BICRA: variants seen among roughly 807,000 people sequenced by gnomAD.
BICRA encodes BRD4 interacting chromatin remodeling complex associated protein, also known as BRD4-interacting chromatin-remodeling complex-associated protein.
BICRA carries 31 observed loss-of-function variants against 96.9 expected under a neutral mutation model. That is an observed-to-expected ratio of 0.32 (90% CI 0.24 to 0.43). The LOEUF (loss-of-function observed/expected upper bound fraction) is 0.43. Ranked by LOEUF, BICRA falls within the 20% of genes least tolerant of loss-of-function variation. BICRA has a pLI of 1.00. For synonymous variants in BICRA, 1,350 were observed against 1,071.8 expected (o/e 1.26, Z -5.07); for missense variants, 2,283 against 2,190.3 (o/e 1.04, Z -0.84).
chr19:47,701,601 C>T lies in BICRA; in HGVS notation c.3869C>T (p.Pro1290Leu), dbSNP rs908674215. Residue 1290 changes from proline to leucine, a missense_variant, in exon 15 of 15, where the codon CCC (proline) becomes CTC (leucine). Coordinates refer to ENST00000594866, the MANE Select transcript of BICRA (RefSeq NM_001394372.1). This position sits in a 1 kb window ranked among gnomAD's most constrained non-coding sequence, Gnocchi z 5.4. The part of the protein sequence containing the change: ...SLDADEDGPM[P>L]SRNRPPIKTY... ...GACGCCGACGAGGACGGCCCCATGC[C>T]CTCCCGCAACCGCCCGCCCATCAAG... 1 of 1,559,582 alleles carries T rather than the reference C, an allele frequency of 6.4e-7. No individual in the cohort carries two copies. Among genetic ancestry groups the T allele is most frequent in the Non-Finnish European group, 8.7e-7 (1 of 1,152,802 alleles).
chr19:47,674,300 A>ACAC (rs3074087), intron 4 of BICRA, among the ~76,000 whole-genome samples: 37,589 of 151,992 alleles, frequency 0.25, 5,129 homozygotes, highest in East Asian at 0.4. Context: ...TGTAGTAGGT[A>ACAC]AAAGTCACCA....
intron 1 of BICRA, among the ~76,000 whole-genome samples, chr19:47,632,851 G>T (rs1158704794): frequency 6.6e-6 from 1 of 152,046 alleles, no homozygotes; most frequent in Non-Finnish European, 1.5e-5. Context: ...AGAAGAACTT[G>T]GGCTCGGATC....
At chr19:47,696,801 G>A (rs1973350201) in intron 11 of BICRA, among the ~76,000 whole-genome samples, 2 of 152,072 alleles carry the variant, frequency 1.3e-5, no homozygotes, top group Non-Finnish European at 2.9e-5. Context: ...TCTCCCACAC[G>A]GCTGGGCCGC....
At position 47,694,618 on chromosome 19, in the gene BICRA, C is replaced by T; in HGVS notation, c.2787C>T (p.Val929=). 6.4e-7 allele frequency: 1 copy of T among 1,564,190 alleles called. No homozygotes were observed. The highest frequency in any genetic ancestry group is 8.8e-7 in the Non-Finnish European group (1 of 1,136,998). The change falls in exon 8 of 15, where the codon GTC becomes GTT. Residue 929 remains valine, a synonymous_variant. Transcript: ENST00000594866. ...SPTPPPTLHL[V]PEPAAPPPPP... ...CTCCCCCTCCAACCCTCCACCTGGT[C>T]CCTGAGCCGGCAGCACCCCCCCCAC... is the stretch of plus-strand genomic sequence containing the variant.
At chr19:47,624,255 T>C (rs1972107679) in intron 1 of BICRA, among the ~76,000 whole-genome samples, 2 of 152,102 alleles carry the variant, frequency 1.3e-5, no homozygotes, top group South Asian at 4.1e-4. Context: ...TGCCTTTCAC[T>C]CACCAAGCTG....
chr19:47,688,292 G>C (rs1973188724), intron 7 of BICRA, among the ~76,000 whole-genome samples: 1 of 152,072 alleles, frequency 6.6e-6, no homozygotes, highest in South Asian at 2.1e-4. Flanking sequence ...AAGAGAAGGA[G>C]GGAATCTCTT....
At chr19:47,687,931 C>A (rs7246316) in intron 7 of BICRA, among the ~76,000 whole-genome samples, 7,483 of 152,052 alleles carry the variant, frequency 0.049, 557 homozygotes, top group African/African-American at 0.17. Context: ...AGCTTTCCAG[C>A]CATTTTGTGG....
intron 1 of BICRA, among the ~76,000 whole-genome samples, chr19:47,668,487 CTT>C (rs35737042): frequency 7.1e-4 from 89 of 125,920 alleles, no homozygotes; most frequent in Middle Eastern, 4.0e-3. Flanking sequence ...CTTTGTGAGT[CTT>C]TTTTTTTTTT....
At chr19:47,630,012 A>C (rs1308150812) in intron 1 of BICRA, among the ~76,000 whole-genome samples, 1 of 151,938 alleles carries the variant, frequency 6.6e-6, no homozygotes. Flanking sequence ...AAGTACTTTA[A>C]TATTGTGTAA....
chr19:47,660,217 C>T (rs902499698), intron 1 of BICRA, among the ~76,000 whole-genome samples: 1 of 152,000 alleles, frequency 6.6e-6, no homozygotes, highest in African/African-American at 2.4e-5. Context: ...CCTGGTCCAG[C>T]CCCCGGAGCT....
rs1370432539 is a variant in BICRA at position 47,680,981 on chromosome 19, A to G, written c.1811A>G (p.Gln604Arg). 2 of 1,464,508 alleles carry G rather than the reference A, an allele frequency of 1.4e-6. No individual in the cohort carries two copies. Among genetic ancestry groups the G allele is most frequent in the Non-Finnish European group, 1.8e-6 (2 of 1,118,046 alleles). The allele number at this position is 1,464,508 out of a possible 1,614,324, so 90.7% of individuals were successfully genotyped here. ...CTCAACACCCCCGACGGCCTGGTGC[A>G]GCCGGCCACCCCTGCCGCTGCCACC... ...AMLNTPDGLVQPATPAAATGE... is the reference protein window; with the variant it reads ...AMLNTPDGLVRPATPAAATGE... The change falls in exon 6 of 15, where the codon CAG becomes CGG. Residue 604 changes from glutamine (Q) to arginine (R), a missense_variant. Physicochemically the swap from Gln to Arg is conservative, Grantham distance 43. Coordinates refer to ENST00000594866, the MANE Select transcript of BICRA (RefSeq NM_001394372.1).
chr19:47,683,899 G>C (rs1973105483), intron 7 of BICRA, among the ~76,000 whole-genome samples: 1 of 152,086 alleles, frequency 6.6e-6, no homozygotes, highest in Admixed American at 6.5e-5. Context: ...TCTTATTCTA[G>C]AGCAGTGAAT....
chr19:47,694,203 T>TCC lies in BICRA; in HGVS notation c.2372_2373insCC (p.Pro792ArgfsTer51). On this transcript the variant is annotated frameshift_variant, in exon 8 of 15. Transcript: ENST00000594866. LOFTEE classifies it high-confidence loss of function. ...GCCCCTCTGGGGGACAGCCCCCACCTGCCCTCCCCACACCCCACCCGGCCC... is the reference window on the plus strand; with the variant it reads ...GCCCCTCTGGGGGACAGCCCCCACCTCCGCCCTCCCCACACCCCACCCGGCCC... 2.9e-6 allele frequency: 2 copies of TCC among 678,172 alleles called. No individual in the cohort carries two copies. The highest frequency in any genetic ancestry group is 3.6e-6 in the Non-Finnish European group (2 of 551,038). The allele number at this position is 678,172 out of a possible 1,614,324, so 42.0% of individuals were successfully genotyped here. A position where few individuals can be genotyped will look rare whatever the true frequency, so the allele number is the denominator to read the frequency against.
intron 10 of BICRA, among the ~76,000 whole-genome samples, chr19:47,696,060 C>T (rs562911863): frequency 1.1e-4 from 17 of 151,668 alleles, no homozygotes; most frequent in African/African-American, 3.6e-4. Flanking sequence ...GGAAGGGAGG[C>T]GGGGGGGCGA....
intron 7 of BICRA, among the ~76,000 whole-genome samples, chr19:47,690,129 G>A (rs1240945817): frequency 1.3e-5 from 2 of 152,006 alleles, no homozygotes; most frequent in African/African-American, 4.8e-5. Flanking sequence ...AGCCTCCCTA[G>A]TAGCTGGGAT....
At position 47,675,705 on chromosome 19, in the gene BICRA, C is replaced by A. The variant is rs564354765; in HGVS notation, c.85-146C>A. On this transcript the variant is annotated intron_variant, in intron 4 of 14. Transcript: ENST00000594866. The surrounding 1 kb of genome is among the most constrained non-coding windows in gnomAD (Gnocchi z 4.7). Reference sequence around the variant, plus strand: ...AGCCCCTGCCTTTGGGGCCTCTTTTCGGAGGCGAGAGTTTCCCATACCCCC... The same window carrying A: ...AGCCCCTGCCTTTGGGGCCTCTTTTAGGAGGCGAGAGTTTCCCATACCCCC... 1.5e-6 allele frequency: 1 copy of A among 681,074 alleles called. No individual in the cohort carries two copies. The highest frequency in any genetic ancestry group is 2.6e-6 in the Non-Finnish European group (1 of 381,482). The allele number at this position is 681,074 out of a possible 1,614,324, so 42.2% of individuals were successfully genotyped here. A position where few individuals can be genotyped will look rare whatever the true frequency, so the allele number is the denominator to read the frequency against.
rs10415650 is a variant in BICRA, at chr19:47,694,937, G to C, written c.2933G>C (p.Gly978Ala). Residue 978 changes from glycine (G) to alanine (A), a missense_variant, in exon 9 of 15, where the codon GGG becomes GCG. By Grantham distance (60) the Gly-to-Ala change is moderately conservative. Transcript: ENST00000594866. ...SGIILQNKAG[G>A]APAAPQTSTS... ...ATCATCCTCCAGAACAAGGCTGGGG[G>C]GGCCCCTGCCGCCCCGCAGACCTCC... 631 of 1,532,074 alleles carry C rather than the reference G, an allele frequency of 4.1e-4. 3 individuals are homozygous for C. In the African/African-American group the frequency reaches 8.0e-3, roughly 19 times the overall value. The allele number at this position is 1,532,074 out of a possible 1,614,324, so 94.9% of individuals were successfully genotyped here.
At chr19:47,642,740 G>C (rs1972402142) in intron 1 of BICRA, among the ~76,000 whole-genome samples, 1 of 152,086 alleles carries the variant, frequency 6.6e-6, no homozygotes, top group South Asian at 2.1e-4. Flanking sequence ...AAGAAAGAAA[G>C]TGCCAAATAT....
At chr19:47,640,872 G>C (rs1341206534) in intron 1 of BICRA, among the ~76,000 whole-genome samples, 1 of 151,118 alleles carries the variant, frequency 6.6e-6, no homozygotes, top group Non-Finnish European at 1.5e-5. Flanking sequence ...GGTTTGAACT[G>C]GGTAGTCTGG....
Sources: allele counts gnomAD v4.1 joint callset (sites outside exome capture counted in the v4.1 genomes callset), GRCh38; gene constraint gnomAD v4.1.1; non-coding constraint Gnocchi (gnomAD v3.1); transcripts MANE v1.5; gene names NCBI Gene and HGNC (gene_info 2026-07-23, HGNC 2026-07-21).